NFATC1: variants seen among roughly 807,000 people sequenced by gnomAD.
NFATC1 encodes nuclear factor of activated T-cells, cytoplasmic 1.
A neutral mutation model predicts 76.0 loss-of-function variants in NFATC1; 22 were observed. The observed-to-expected ratio is 0.29, with a 90% CI of 0.21 to 0.41. The LOEUF is 0.41. Among genes scored for constraint, NFATC1 ranks in the 10% least tolerant of loss-of-function variants. The probability of loss-of-function intolerance (pLI) is 1.00; values close to 1 mark genes in which losing one functional copy is unlikely to be tolerated. For missense variants in NFATC1, 1,357 were observed against 1,337.7 expected, an observed-to-expected ratio of 1.01 and a Z score of -0.23; for synonymous variants, 704 against 613.1, an observed-to-expected ratio of 1.15 and a Z score of -2.19.
At chr18:79,401,184 C>A (rs1179797243) in intron 1 of NFATC1, among the ~76,000 whole-genome samples, 1 of 150,508 alleles carries the variant, frequency 6.6e-6, no homozygotes, top group African/African-American at 2.5e-5. Flanking sequence ...CCCGGGATCT[C>A]TTCTGTCCAG....
intron 9 of NFATC1, among the ~76,000 whole-genome samples, chr18:79,504,609 G>T (rs1378587446): frequency 6.6e-6 from 1 of 152,270 alleles, no homozygotes; most frequent in Non-Finnish European, 1.5e-5. Context: ...ACAGAGATAT[G>T]AAGTGGGCAC....
At chr18:79,425,063 CTGTT>C (rs1568944318) in intron 2 of NFATC1, among the ~76,000 whole-genome samples, 2 of 150,390 alleles carry the variant, frequency 1.3e-5, no homozygotes, top group African/African-American at 2.5e-5. Flanking sequence ...GTTTCTCTCT[CTGTT>C]TCTCTCTCTG....
In NFATC1 at chr18:79,465,094, G is replaced by C. The variant is rs899697830; in HGVS notation, c.1960-2356G>C. On this transcript the variant is annotated intron_variant, in intron 7 of 9. Transcript: ENST00000427363. This position sits in a 1 kb window ranked among gnomAD's most constrained non-coding sequence, Gnocchi z 4.2. ...GTGTATGAGCTTCATCTCAACAGTGGAGTTTAAAGCAGGTTGCGTAGGTGC... is the reference window on the plus strand; with the variant it reads ...GTGTATGAGCTTCATCTCAACAGTGCAGTTTAAAGCAGGTTGCGTAGGTGC... Among the ~76,000 whole-genome samples the C allele has an allele frequency of 6.6e-6, 1 of 152,144 alleles. No individual in the cohort carries two copies. Among genetic ancestry groups the C allele is most frequent in the African/African-American group, 2.4e-5 (1 of 41,426 alleles).
intron 2 of NFATC1, among the ~76,000 whole-genome samples, chr18:79,419,742 C>T (rs528439400): frequency 6.6e-6 from 1 of 152,218 alleles, no homozygotes; most frequent in African/African-American, 2.4e-5. Flanking sequence ...AGGATTTGCT[C>T]CTGCGCCAAC....
At chr18:79,475,821 C>G (rs769334417) in intron 8 of NFATC1, among the ~76,000 whole-genome samples, 1 of 152,212 alleles carries the variant, frequency 6.6e-6, no homozygotes, top group Non-Finnish European at 1.5e-5. Context: ...CCTAGCCACC[C>G]GACGCTCAGG....
rs577516676 is a variant in NFATC1, at chr18:79,429,215, C to T, written c.1227-4364C>T. 5.4e-5 allele frequency among the ~76,000 whole-genome samples: 6 copies of T among 112,126 alleles called. No individual in the cohort carries two copies. The East Asian group carries it at 1.2e-3, about 22-fold the overall frequency. 73.6% of individuals were successfully genotyped at this position (112,126 alleles called of 152,430 possible). On this transcript the variant is annotated intron_variant, in intron 2 of 9. Transcript: ENST00000427363. ...CAGCCTGGGCCACAGAGCGGGACTC[C>T]GTCTCAAAAAAAAAAAAAAAAAAAA...
intron 2 of NFATC1, among the ~76,000 whole-genome samples, chr18:79,433,305 G>A (rs1363184067): frequency 6.6e-6 from 1 of 152,184 alleles, no homozygotes; most frequent in Non-Finnish European, 1.5e-5. Flanking sequence ...TCTTACTGGA[G>A]GGTTAAGTAA....
rs541088550 is a variant in NFATC1, at chr18:79,524,931, G to C, written c.2783-2597G>C. 6.6e-6 allele frequency among the ~76,000 whole-genome samples: 1 copy of C among 151,924 alleles called. No homozygotes were observed. The highest frequency in any genetic ancestry group is 2.1e-4 in the South Asian group (1 of 4,812). On this transcript the variant is annotated intron_variant, in intron 9 of 9. Coordinates refer to ENST00000427363, the MANE Select transcript of NFATC1 (RefSeq NM_001278669.2). This position sits in a 1 kb window ranked among gnomAD's most constrained non-coding sequence, Gnocchi z 7.2. Reference sequence around the variant, plus strand: ...TGCAGGCGGCCTGTCCCACGAACACGATGGAGACCTCAGACGCCGTCCCCA... The same window carrying C: ...TGCAGGCGGCCTGTCCCACGAACACCATGGAGACCTCAGACGCCGTCCCCA...
intron 9 of NFATC1, among the ~76,000 whole-genome samples, chr18:79,520,957 C>G (rs1335187214): frequency 1.4e-4 from 9 of 65,446 alleles, no homozygotes; most frequent in East Asian, 4.8e-4. Context: ...ATGTGTGTGT[C>G]TGTGTGTGGG....
intron 1 of NFATC1, among the ~76,000 whole-genome samples, chr18:79,398,277 CCAAA>C (rs2085070603): frequency 6.6e-6 from 1 of 152,242 alleles, no homozygotes; most frequent in South Asian, 2.1e-4. Context: ...CGGGCTGGGG[CCAAA>C]CAAAGCTCAC....
intron 3 of NFATC1, among the ~76,000 whole-genome samples, chr18:79,434,957 A>G (rs1206573212): frequency 6.6e-6 from 1 of 152,226 alleles, no homozygotes; most frequent in Non-Finnish European, 1.5e-5. Flanking sequence ...CTGAGCGCAC[A>G]GTGGCCCGTT....
intron 4 of NFATC1, 70 bp from the exon 5 acceptor site, chr18:79,450,884 T>C (rs2087441806): frequency 2.6e-6 from 4 of 1,550,244 alleles, no homozygotes; most frequent in Non-Finnish European, 3.5e-6. Context: ...CCAGAGGGTC[T>C]GGGGGGCCAG....
At chr18:79,401,470 G>T (rs1401064286) in intron 1 of NFATC1, among the ~76,000 whole-genome samples, 1 of 152,228 alleles carries the variant, frequency 6.6e-6, no homozygotes, top group East Asian at 1.9e-4. Context: ...CTGGGCCTGG[G>T]TTCTAGGTCT....
At chr18:79,508,167 C>G (rs2090159843) in intron 9 of NFATC1, among the ~76,000 whole-genome samples, 1 of 152,210 alleles carries the variant, frequency 6.6e-6, no homozygotes, top group African/African-American at 2.4e-5. Flanking sequence ...GATTCCCAGA[C>G]TCCCAGTGCA....
intron 8 of NFATC1, among the ~76,000 whole-genome samples, chr18:79,480,890 C>CGG (rs1398880657): frequency 6.6e-6 from 1 of 152,230 alleles, no homozygotes; most frequent in Non-Finnish European, 1.5e-5. Context: ...TCCCGAGCAG[C>CGG]GGAGAGAGGA....
chr18:79,441,992 C>T (rs749756973), intron 3 of NFATC1, among the ~76,000 whole-genome samples: 1 of 152,196 alleles, frequency 6.6e-6, no homozygotes, highest in Admixed American at 6.5e-5. Flanking sequence ...CCTGCACCCT[C>T]CACGTCAGTG....
Position 79,484,854 on chromosome 18 carries a change from G to C in NFATC1, c.2093-1394G>C, listed in dbSNP as rs996453822. ...CGACCGCCGGGACCTGTGCGGGGGG[G>C]GAAGAGGGCGGCTGCAGGGGAGGCC... On this transcript the variant is annotated intron_variant, in intron 8 of 9. Coordinates refer to ENST00000427363, the MANE Select transcript of NFATC1 (RefSeq NM_001278669.2). Among the ~76,000 whole-genome samples, 4 of 152,184 alleles carry C rather than the reference G, an allele frequency of 2.6e-5. No homozygotes were observed. The South Asian group carries it at 8.3e-4, about 31-fold the overall frequency.
chr18:79,487,125 G>A (rs1016162936), intron 9 of NFATC1, among the ~76,000 whole-genome samples, 188 bp downstream of exon 9: 7 of 152,346 alleles, frequency 4.6e-5, no homozygotes, highest in Admixed American at 1.3e-4. Context: ...CACCTGGGGC[G>A]CTCGCCGTGA....
chr18:79,484,883 C>T (rs1402595037), intron 8 of NFATC1, among the ~76,000 whole-genome samples: 5 of 152,214 alleles, frequency 3.3e-5, no homozygotes, highest in African/African-American at 7.2e-5. Flanking sequence ...GGAGGCCGCA[C>T]GTGGCACAGG....
Sources: gnomAD v4.1 joint callset for allele counts (sites outside exome capture counted in the v4.1 genomes callset) on GRCh38, gnomAD v4.1.1 for gene constraint, Gnocchi (gnomAD v3.1) non-coding constraint, MANE v1.5 for transcripts, NCBI Gene and HGNC (gene_info 2026-07-23, HGNC 2026-07-21) for gene names.